The following SLC9A7 variants were observed in gnomAD, a reference collection of about 807,000 sequenced individuals.
The protein encoded by SLC9A7 is solute carrier family 9 member A7, also known as sodium/hydrogen exchanger 7.
SLC9A7 carries 19 observed loss-of-function variants against 52.6 expected under a neutral mutation model. That is an observed-to-expected ratio of 0.36 (90% CI 0.25 to 0.53). The LOEUF is 0.53. SLC9A7 is among the 20% of genes least tolerant of loss of function. The pLI is 0.91. For missense variants in SLC9A7, 455 were observed against 597.9 expected (o/e 0.76, Z 2.49); for synonymous variants, 226 against 252.1 (o/e 0.90, Z 0.98).
chrX:46,613,488 AC>A, intron 15 of SLC9A7, 94 bp from the exon 16 acceptor site: 1 of 576,434 alleles, frequency 1.7e-6, no homozygotes, highest in Non-Finnish European at 2.7e-6. Context: ...ACCCACAAAA[AC>A]CTTCTTTTCC....
At chrX:46,619,581 A>G (rs1602139334) in intron 15 of SLC9A7, among the ~76,000 whole-genome samples, 1 of 111,859 alleles carries the variant, frequency 8.9e-6, no homozygotes, top group East Asian at 2.8e-4. Context: ...GCCAGACACT[A>G]AAATATATAT....
At chrX:46,732,056 C>T (rs1465879204) in intron 1 of SLC9A7, among the ~76,000 whole-genome samples, 3 of 105,819 alleles carry the variant, frequency 2.8e-5, no homozygotes. Flanking sequence ...ACCGTTTCTA[C>T]TGAAAGAAAA....
chrX:46,721,399 G>A (rs889934288), intron 1 of SLC9A7, among the ~76,000 whole-genome samples: 1 of 111,825 alleles, frequency 8.9e-6, no homozygotes, highest in Admixed American at 9.5e-5. Context: ...AGTTCCCCTC[G>A]GTCATATTAC....
rs1183739467 is a variant in SLC9A7 at position 46,605,636 on chromosome X, C to G, written c.*1316G>C. 1 of 111,972 alleles carries G rather than the reference C, an allele frequency of 8.9e-6. No individual in the cohort carries two copies. The highest frequency in any genetic ancestry group is 1.9e-5 in the Non-Finnish European group (1 of 53,247). The allele number at this position is 111,972 out of a possible 1,213,427, so 9.2% of individuals were successfully genotyped here. Reference sequence around the variant, plus strand: ...ATTCGTCGGCTCAAAGTTTGGAATTCTACCTAGTCTTGAGACTACTATCTT... The same window carrying G: ...ATTCGTCGGCTCAAAGTTTGGAATTGTACCTAGTCTTGAGACTACTATCTT... On this transcript the variant is annotated 3_prime_UTR_variant, in exon 17 of 17. Transcript: ENST00000616978.
Position 46,753,917 on chromosome X carries a change from C to T in SLC9A7, c.325+4788G>A, listed in dbSNP as rs868985639. Among the ~76,000 whole-genome samples the T allele has an allele frequency of 3.9e-4, 43 of 109,778 alleles. 1 individual carries two copies. The highest frequency in any genetic ancestry group is 4.6e-3 in the Middle Eastern group (1 of 216). The stretch of plus-strand genomic sequence containing the variant: ...AGGAGAATGGCATGAACCCAGGAGG[C>T]GGAGCTTGCAGTGAGCAGAGATCGC... On this transcript the variant is annotated intron_variant, in intron 1 of 16. Coordinates refer to ENST00000616978, the MANE Select transcript of SLC9A7 (RefSeq NM_001257291.2).
chrX:46,648,861 G>A (rs1353571374), intron 10 of SLC9A7, 64 bp from the exon 11 acceptor site: 29 of 828,958 alleles, frequency 3.5e-5, no homozygotes, highest in South Asian at 4.3e-5. Context: ...CACAACCTCC[G>A]GCTGAGCAGA....
At chrX:46,672,027 TA>T (rs1359253874) in intron 4 of SLC9A7, among the ~76,000 whole-genome samples, 1 of 112,138 alleles carries the variant, frequency 8.9e-6, no homozygotes, top group Non-Finnish European at 1.9e-5. Context: ...TCCAATCACT[TA>T]CTTATATCCA....
At chrX:46,703,199 C>T (rs772198574) in intron 1 of SLC9A7, among the ~76,000 whole-genome samples, 1 of 111,981 alleles carries the variant, frequency 8.9e-6, no homozygotes, top group Non-Finnish European at 1.9e-5. Flanking sequence ...CAAATATTTT[C>T]TCCCATTCTG....
At position 46,730,670 on chromosome X, in the gene SLC9A7, TTATATATATATATATATA is replaced by T. The variant is rs57157177; in HGVS notation, c.325+28017_325+28034del. ...GCGAGACTGTCTCAAAAAAAAAAAA[TTATATATATATATATATA>T]TATATATATATATATATATATAAAA... On this transcript the variant is annotated intron_variant, in intron 1 of 16. Transcript: ENST00000616978. Among the ~76,000 whole-genome samples, 87 of 42,902 alleles carry T rather than the reference TTATATATATATATATATA, an allele frequency of 2.0e-3. 3 individuals are homozygous for T. The highest frequency in any genetic ancestry group is 0.014 in the Middle Eastern group (1 of 71). The allele number at this position is 42,902 out of a possible 115,157, so 37.3% of individuals were successfully genotyped here.
intron 1 of SLC9A7, among the ~76,000 whole-genome samples, chrX:46,732,197 G>A (rs1945053058): frequency 9.0e-6 from 1 of 111,060 alleles, no homozygotes; most frequent in African/African-American, 3.3e-5. Context: ...TTGCACTCCA[G>A]CCTGTCTCAA....
At chrX:46,681,225 A>G (rs996012668) in intron 2 of SLC9A7, among the ~76,000 whole-genome samples, 1 of 112,463 alleles carries the variant, frequency 8.9e-6, no homozygotes, top group African/African-American at 3.2e-5. Flanking sequence ...TTCATCTTCT[A>G]TTATGACCTG....
chrX:46,631,196 G>A (rs1478809286), intron 14 of SLC9A7, among the ~76,000 whole-genome samples: 8 of 112,586 alleles, frequency 7.1e-5, no homozygotes, highest in African/African-American at 2.6e-4. Flanking sequence ...TCAGGCACCT[G>A]ATGTCTCTCC....
At chrX:46,721,601 T>C (rs1191180916) in intron 1 of SLC9A7, among the ~76,000 whole-genome samples, 1 of 111,861 alleles carries the variant, frequency 8.9e-6, no homozygotes, top group Non-Finnish European at 1.9e-5. Flanking sequence ...TATCTTCAGA[T>C]GCTGCATGGG....
intron 3 of SLC9A7, among the ~76,000 whole-genome samples, chrX:46,678,780 T>C (rs1944164098): frequency 8.9e-6 from 1 of 111,778 alleles, no homozygotes; most frequent in Non-Finnish European, 1.9e-5. Flanking sequence ...TTCACATAAG[T>C]TGCAAAGATT....
intron 1 of SLC9A7, among the ~76,000 whole-genome samples, chrX:46,719,818 G>A (rs1306298386): frequency 9.0e-6 from 1 of 111,595 alleles, no homozygotes. Flanking sequence ...CCATATATGA[G>A]TAGCTCTAAG....
chrX:46,746,316 G>A lies in SLC9A7; in HGVS notation c.325+12389C>T, dbSNP rs1215875576. 6.3e-5 allele frequency among the ~76,000 whole-genome samples: 7 copies of A among 110,773 alleles called. No homozygotes were observed. In the South Asian group the frequency reaches 2.3e-3, roughly 36 times the overall value. On this transcript the variant is annotated intron_variant, in intron 1 of 16. Coordinates refer to ENST00000616978, the MANE Select transcript of SLC9A7 (RefSeq NM_001257291.2). ...TGCACTCCAGGCTGGGCGACAGAGC[G>A]AGACACCATCTCAAAACAAACAAAC...
At chrX:46,730,121 T>C (rs1055823263) in intron 1 of SLC9A7, among the ~76,000 whole-genome samples, 12 of 111,443 alleles carry the variant, frequency 1.1e-4, no homozygotes, top group African/African-American at 3.9e-4. Context: ...TAAGGACTTA[T>C]GATAAACTCA....
intron 15 of SLC9A7, among the ~76,000 whole-genome samples, chrX:46,617,070 C>A (rs769636120): frequency 3.1e-4 from 35 of 111,429 alleles, no homozygotes; most frequent in African/African-American, 9.4e-4. Flanking sequence ...TTTGGACCAA[C>A]TGATTCTGAC....
intron 10 of SLC9A7, among the ~76,000 whole-genome samples, chrX:46,650,141 C>T (rs891464967): frequency 8.9e-6 from 1 of 111,846 alleles, no homozygotes; most frequent in Non-Finnish European, 1.9e-5. Flanking sequence ...GTCATTCCTG[C>T]ACAATAAATT....
Sources: gnomAD v4.1 joint callset for allele counts (sites outside exome capture counted in the v4.1 genomes callset) on GRCh38, gnomAD v4.1.1 for gene constraint, MANE v1.5 for transcripts, NCBI Gene and HGNC (gene_info 2026-07-23, HGNC 2026-07-21) for gene names.